The following AFG2A variants were observed in gnomAD, a reference collection of about 807,000 sequenced individuals.
AFG2A encodes the protein ATPase family gene 2 protein homolog A.
At chr4:122,960,830 G>C in the AFG2A span, among the ~76,000 whole-genome samples, 4 of 152,086 alleles carry the variant, frequency 2.6e-5, no homozygotes, top group Non-Finnish European at 5.9e-5. Context: ...AGGGATTTAT[G>C]GAGCATCTGC....
chr4:122,932,245 A>G, the AFG2A span, among the ~76,000 whole-genome samples: 2 of 151,904 alleles, frequency 1.3e-5, no homozygotes. Flanking sequence ...ACCGCACTCC[A>G]GCCTGGGTGA....
At chr4:123,129,151 C>G in the AFG2A span, among the ~76,000 whole-genome samples, 138,169 of 152,190 alleles carry the variant, frequency 0.91, 62,967 homozygotes, top group East Asian at 0.98. Flanking sequence ...ATCTTAAAGG[C>G]AATACTTTAA....
At chr4:123,183,008 C>A in the AFG2A span, among the ~76,000 whole-genome samples, 5 of 152,162 alleles carry the variant, frequency 3.3e-5, no homozygotes, top group Admixed American at 3.3e-4. Context: ...ATCAGAATCA[C>A]CAGATAAGCT....
At chr4:123,258,407 T>G in the AFG2A span, among the ~76,000 whole-genome samples, 1 of 152,244 alleles carries the variant, frequency 6.6e-6, no homozygotes, top group African/African-American at 2.4e-5. Context: ...TCTCTGTTTC[T>G]CTGTCTTCAC....
the AFG2A span, among the ~76,000 whole-genome samples, chr4:123,143,301 C>T: frequency 6.6e-6 from 1 of 151,936 alleles, no homozygotes; most frequent in Non-Finnish European, 1.5e-5. Flanking sequence ...AAAATGTAAT[C>T]CTGTTTTACA....
the AFG2A span, among the ~76,000 whole-genome samples, chr4:123,273,066 CAGAA>C: frequency 7.2e-5 from 11 of 152,030 alleles, no homozygotes; most frequent in African/African-American, 2.4e-4. Flanking sequence ...TTATATTATT[CAGAA>C]AGAAGTAAGA....
the AFG2A span, among the ~76,000 whole-genome samples, chr4:123,151,982 A>G: frequency 1.3e-5 from 2 of 152,220 alleles, no homozygotes; most frequent in Non-Finnish European, 2.9e-5. Flanking sequence ...TTGTAGGGAC[A>G]TGGTTGAAAC....
At chr4:123,279,215 A>G in the AFG2A span, among the ~76,000 whole-genome samples, 1 of 152,176 alleles carries the variant, frequency 6.6e-6, no homozygotes, top group Non-Finnish European at 1.5e-5. Flanking sequence ...CAGGAATTCG[A>G]GACCAGCCTG....
At chr4:123,157,860 A>C in the AFG2A span, among the ~76,000 whole-genome samples, 1 of 152,224 alleles carries the variant, frequency 6.6e-6, no homozygotes, top group East Asian at 1.9e-4. Flanking sequence ...TGTTATTGTT[A>C]AAAGAATCCT....
the AFG2A span, among the ~76,000 whole-genome samples, chr4:123,132,851 G>A: frequency 1.3e-5 from 2 of 149,534 alleles, no homozygotes; most frequent in Non-Finnish European, 3.0e-5. Flanking sequence ...TGCGATCTTG[G>A]CTCACTGCAA....
At chr4:123,230,530 A>T in the AFG2A span, among the ~76,000 whole-genome samples, 1 of 152,038 alleles carries the variant, frequency 6.6e-6, no homozygotes, top group Middle Eastern at 3.4e-3. Flanking sequence ...CCTCAAAGTT[A>T]TTCCTGAGGG....
chr4:123,099,525 C>T, the AFG2A span, among the ~76,000 whole-genome samples: 1 of 150,944 alleles, frequency 6.6e-6, no homozygotes, highest in Non-Finnish European at 1.5e-5. Context: ...TTGAATGAGC[C>T]ACAGAGTTTT....
chr4:123,087,276 T>TG, the AFG2A span, among the ~76,000 whole-genome samples: 1 of 152,132 alleles, frequency 6.6e-6, no homozygotes, highest in Non-Finnish European at 1.5e-5. Flanking sequence ...TCTATACCCT[T>TG]GGACTGTGAA....
At chr4:122,923,413 G>A in the AFG2A span, 1 of 1,454,498 alleles carries the variant, frequency 6.9e-7, no homozygotes, top group Admixed American at 2.0e-5. Flanking sequence ...GTTGGGCGTG[G>A]CATGGGTCTG....
the AFG2A span, among the ~76,000 whole-genome samples, chr4:123,097,535 T>C: frequency 8.5e-5 from 13 of 152,258 alleles, no homozygotes; most frequent in East Asian, 1.9e-3. Context: ...GAAAGCGTCC[T>C]GTACGGTTGT....
At chr4:123,108,835 C>T in the AFG2A span, among the ~76,000 whole-genome samples, 22 of 151,934 alleles carry the variant, frequency 1.4e-4, no homozygotes, top group Admixed American at 1.2e-3. Context: ...AGAGTTCAGC[C>T]TCTTTAATTC....
the AFG2A span, among the ~76,000 whole-genome samples, chr4:123,156,440 C>G: frequency 6.6e-6 from 1 of 152,086 alleles, no homozygotes; most frequent in South Asian, 2.1e-4. Context: ...TTCCTAGATA[C>G]CTAGTCACCA....
chr4:122,999,232 T>C, the AFG2A span, among the ~76,000 whole-genome samples: 1 of 151,824 alleles, frequency 6.6e-6, no homozygotes, highest in Admixed American at 6.6e-5. Flanking sequence ...GAGTAGGTTG[T>C]GAAAATTTTC....
At chr4:123,070,860 C>T in the AFG2A span, among the ~76,000 whole-genome samples, 513 of 152,256 alleles carry the variant, frequency 3.4e-3, 2 homozygotes, top group African/African-American at 0.012. Context: ...AGCAACCTTC[C>T]CAATGAGTAC....
Sources: gnomAD v4.1 joint callset for allele counts (sites outside exome capture counted in the v4.1 genomes callset) on GRCh38, gnomAD v4.1.1 for gene constraint, MANE v1.5 for transcripts, NCBI Gene and HGNC (gene_info 2026-07-23, HGNC 2026-07-21) for gene names.